GNG12: variants seen among roughly 807,000 people sequenced by gnomAD.
The protein encoded by GNG12 is G protein subunit gamma 12, also known as guanine nucleotide-binding protein G(I)/G(S)/G(O) subunit gamma-12.
For synonymous variants in GNG12, 28 were observed against 29.7 expected (o/e 0.94, Z 0.19); for missense variants, 69 against 83.8 (o/e 0.82, Z 0.69).
intron 2 of GNG12, among the ~76,000 whole-genome samples, chr1:67,776,194 T>G (rs764685328): frequency 1.1e-4 from 16 of 152,146 alleles, no homozygotes; most frequent in Non-Finnish European, 2.2e-4. Flanking sequence ...GCCAGACGGC[T>G]AGAAGTAAGA....
chr1:67,806,663 A>G (rs1299669053), intron 1 of GNG12, among the ~76,000 whole-genome samples: 1 of 152,298 alleles, frequency 6.6e-6, no homozygotes, highest in South Asian at 2.1e-4. Flanking sequence ...CAGAGCTGAC[A>G]AGGAAAGTTA....
intron 1 of GNG12, among the ~76,000 whole-genome samples, chr1:67,828,179 G>A (rs188449668): frequency 8.0e-4 from 122 of 152,274 alleles, no homozygotes; most frequent in African/African-American, 2.6e-3. Flanking sequence ...CTTTGTGTGC[G>A]CTTCAGGCCT....
At chr1:67,728,258 T>C (rs1004992237) in intron 2 of GNG12, among the ~76,000 whole-genome samples, 27 of 152,326 alleles carry the variant, frequency 1.8e-4, no homozygotes, top group African/African-American at 6.3e-4. Flanking sequence ...AAGTGCACTC[T>C]GGAAAAGCTC....
chr1:67,758,915 A>G (rs1646585896), intron 2 of GNG12, among the ~76,000 whole-genome samples: 1 of 152,172 alleles, frequency 6.6e-6, no homozygotes. Flanking sequence ...AAAGTTGGTT[A>G]AGGGGTCCCA....
intron 1 of GNG12, among the ~76,000 whole-genome samples, chr1:67,809,075 T>C (rs1185035233): frequency 6.6e-6 from 1 of 152,132 alleles, no homozygotes; most frequent in Non-Finnish European, 1.5e-5. Context: ...GTGGTATTAG[T>C]AAAGAAACAG....
intron 2 of GNG12, among the ~76,000 whole-genome samples, chr1:67,762,410 G>A (rs1646610899): frequency 6.6e-6 from 1 of 152,162 alleles, no homozygotes; most frequent in African/African-American, 2.4e-5. Flanking sequence ...GGAACTGTAA[G>A]GCTAGAAGAG....
At chr1:67,762,046 T>C (rs1646608671) in intron 2 of GNG12, among the ~76,000 whole-genome samples, 1 of 152,162 alleles carries the variant, frequency 6.6e-6, no homozygotes. Context: ...CAGTGGGTCT[T>C]GGTGAGAACA....
chr1:67,820,804 T>C (rs1200380216), intron 1 of GNG12, among the ~76,000 whole-genome samples: 2 of 152,242 alleles, frequency 1.3e-5, no homozygotes, highest in African/African-American at 4.8e-5. Context: ...CATATGCTGA[T>C]ACTCAAAGGG....
intron 2 of GNG12, among the ~76,000 whole-genome samples, chr1:67,736,530 T>C (rs1646453516): frequency 6.6e-6 from 1 of 152,156 alleles, no homozygotes; most frequent in African/African-American, 2.4e-5. Context: ...AGCTGCACTG[T>C]GTGGCAGGGA....
At chr1:67,707,521 G>T in intron 3 of GNG12, 73 bp downstream of exon 3, 2 of 829,656 alleles carry the variant, frequency 2.4e-6, no homozygotes, top group South Asian at 3.0e-5. Flanking sequence ...TATCTTCTCT[G>T]ACAAGTGGTC....
chr1:67,781,521 A>G (rs1009656964), intron 1 of GNG12, among the ~76,000 whole-genome samples: 1 of 152,186 alleles, frequency 6.6e-6, no homozygotes, highest in East Asian at 1.9e-4. Context: ...ATAAGTAAAT[A>G]AGATCATTTT....
At chr1:67,748,137 A>G (rs972550473) in intron 2 of GNG12, among the ~76,000 whole-genome samples, 4 of 152,164 alleles carry the variant, frequency 2.6e-5, no homozygotes, top group Admixed American at 2.0e-4. Flanking sequence ...CAGAGGGCAG[A>G]GATAAAGAAC....
intron 1 of GNG12, among the ~76,000 whole-genome samples, chr1:67,816,360 G>A (rs1393512533): frequency 2.6e-5 from 4 of 152,116 alleles, no homozygotes; most frequent in African/African-American, 9.7e-5. Context: ...GAAATGTATT[G>A]GGAAGTTTAT....
intron 2 of GNG12, among the ~76,000 whole-genome samples, chr1:67,710,126 TTATATATATAGTTA>T (rs1557592286): frequency 1.9e-3 from 25 of 12,932 alleles, no homozygotes; most frequent in South Asian, 9.6e-3. Context: ...ATATATATAG[TTATATATATAGTTA>T]TATATATATA....
chr1:67,744,197 CA>C (rs1646496753), intron 2 of GNG12, among the ~76,000 whole-genome samples: 1 of 152,160 alleles, frequency 6.6e-6, no homozygotes, highest in Non-Finnish European at 1.5e-5. Context: ...TATGGAGAAA[CA>C]AAGGCATGAA....
chr1:67,833,052 G>C (rs896103988), intron 1 of GNG12, among the ~76,000 whole-genome samples: 1 of 151,624 alleles, frequency 6.6e-6, no homozygotes, highest in African/African-American at 2.4e-5. Flanking sequence ...CCGCAACCTC[G>C]GGCGGCCGCC....
intron 1 of GNG12, among the ~76,000 whole-genome samples, chr1:67,778,684 A>G (rs780946926): frequency 6.6e-6 from 1 of 152,202 alleles, no homozygotes; most frequent in Non-Finnish European, 1.5e-5. Flanking sequence ...GAGGGGTTAC[A>G]TTATTTACAC....
At chr1:67,743,043 G>C (rs1193700498) in intron 2 of GNG12, among the ~76,000 whole-genome samples, 29 of 152,028 alleles carry the variant, frequency 1.9e-4, no homozygotes, top group Non-Finnish European at 4.3e-4. Flanking sequence ...GAAGAGTAAA[G>C]ATACAAGCTA....
At chr1:67,705,662 A>C (rs1365436035) in intron 3 of GNG12, 86 bp from the exon 4 acceptor site, 2 of 1,475,134 alleles carry the variant, frequency 1.4e-6, no homozygotes, top group East Asian at 2.5e-5. Flanking sequence ...AGGCTATTGA[A>C]TGGAAGACTG....
Sources: gnomAD v4.1 joint callset for allele counts (sites outside exome capture counted in the v4.1 genomes callset) on GRCh38, gnomAD v4.1.1 for gene constraint, MANE v1.5 for transcripts, NCBI Gene and HGNC (gene_info 2026-07-23, HGNC 2026-07-21) for gene names.